Variants in ZNF804B observed in about 807,000 individuals in gnomAD.
ZNF804B encodes zinc finger 804B.
Under a neutral mutation model 101.4 loss-of-function variants are expected in ZNF804B, and 80 were observed. The ratio of observed to expected loss-of-function variants is 0.79; its 90% confidence interval spans 0.66 to 0.95. The LOEUF (loss-of-function observed/expected upper bound fraction) is 0.95, where lower values mean the gene tolerates loss of function less well. Among genes scored for constraint, ZNF804B ranks in the 40% least tolerant of loss-of-function variants. ZNF804B has a pLI of 0.00. For synonymous variants in ZNF804B, 622 were observed against 558.8 expected (o/e 1.11, Z -1.59); for missense variants, 1,673 against 1,561.9 (o/e 1.07, Z -1.20).
At chr7:89,173,830 G>A (rs578004965) in intron 1 of ZNF804B, among the ~76,000 whole-genome samples, 120 of 152,062 alleles carry the variant, frequency 7.9e-4, no homozygotes, top group African/African-American at 2.8e-3. Flanking sequence ...AAAAGTTAGA[G>A]TAGTGATTCT....
chr7:89,335,958 T>C lies in ZNF804B; in HGVS notation c.2976T>C (p.Asp992=), dbSNP rs1243376184. Residue 992 remains aspartate (D), a synonymous_variant, in exon 4 of 4, where the codon GAT becomes GAC. Transcript: ENST00000333190. The stretch of plus-strand genomic sequence containing the variant: ...AGTATGCAAGTGAGAGCAGAAATGA[T>C]CAAGACAGTGCAATTCCAAGGACTA... ...KIQYASESRN[D]QDSAIPRTTE... is the part of the protein sequence containing the mutation. 4 of 1,613,938 alleles carry C rather than the reference T, an allele frequency of 2.5e-6. No homozygotes were observed. The highest frequency in any genetic ancestry group is 3.4e-6 in the Non-Finnish European group (4 of 1,179,994).
intron 2 of ZNF804B, among the ~76,000 whole-genome samples, chr7:89,241,445 G>T (rs1789370666): frequency 1.3e-5 from 2 of 152,058 alleles, no homozygotes; most frequent in African/African-American, 4.8e-5. Flanking sequence ...CTTTGTTTCA[G>T]AGTCTGTCTC....
At chr7:89,254,671 A>T (rs1372565214) in intron 2 of ZNF804B, among the ~76,000 whole-genome samples, 11 of 149,116 alleles carry the variant, frequency 7.4e-5, no homozygotes, top group Admixed American at 7.4e-4. Context: ...TTTGAGTCAG[A>T]ATCTCACTCT....
intron 1 of ZNF804B, among the ~76,000 whole-genome samples, chr7:89,152,700 T>C (rs1473937115): frequency 1.3e-5 from 2 of 152,174 alleles, no homozygotes; most frequent in African/African-American, 4.8e-5. Flanking sequence ...AATATATAGT[T>C]ACCTGTTTTC....
chr7:89,304,182 A>G (rs1790525512), intron 2 of ZNF804B, among the ~76,000 whole-genome samples: 1 of 151,936 alleles, frequency 6.6e-6, no homozygotes, highest in Non-Finnish European at 1.5e-5. Context: ...ATGGAAGGAC[A>G]TAGGATCATT....
chr7:89,080,006 G>A (rs559544506), intron 1 of ZNF804B, among the ~76,000 whole-genome samples: 1 of 151,986 alleles, frequency 6.6e-6, no homozygotes, highest in African/African-American at 2.4e-5. Flanking sequence ...TGGCATGACA[G>A]GATAACTTAC....
chr7:89,107,880 G>T (rs1311909868), intron 1 of ZNF804B, among the ~76,000 whole-genome samples: 1 of 152,056 alleles, frequency 6.6e-6, no homozygotes, highest in Non-Finnish European at 1.5e-5. Flanking sequence ...TTCTATGCAG[G>T]CTGGGGAATT....
At chr7:89,258,496 TG>T (rs1194503084) in intron 2 of ZNF804B, among the ~76,000 whole-genome samples, 2 of 152,148 alleles carry the variant, frequency 1.3e-5, no homozygotes, top group Non-Finnish European at 1.5e-5. Flanking sequence ...GTTGAATAAA[TG>T]GTTATTCCAT....
At chr7:88,993,764 A>T (rs1327540126) in intron 1 of ZNF804B, among the ~76,000 whole-genome samples, 1 of 152,038 alleles carries the variant, frequency 6.6e-6, no homozygotes, top group Non-Finnish European at 1.5e-5. Flanking sequence ...CAATGATATT[A>T]TTGGATTAAG....
At chr7:89,078,347 A>G (rs1394930843) in intron 1 of ZNF804B, among the ~76,000 whole-genome samples, 1 of 152,108 alleles carries the variant, frequency 6.6e-6, no homozygotes, top group Non-Finnish European at 1.5e-5. Flanking sequence ...TGCTTACTAG[A>G]AATGCTCAAT....
intron 1 of ZNF804B, among the ~76,000 whole-genome samples, chr7:89,014,044 T>C (rs2116199060): frequency 6.6e-6 from 1 of 152,252 alleles, no homozygotes; most frequent in Admixed American, 6.5e-5. Context: ...TTGATATTTT[T>C]ATTGCCTTCC....
intron 2 of ZNF804B, among the ~76,000 whole-genome samples, chr7:89,309,495 C>T (rs1029459162): frequency 1.3e-5 from 2 of 151,980 alleles, no homozygotes; most frequent in Admixed American, 1.3e-4. Context: ...GGCATGGTGG[C>T]TCATGCCTGT....
chr7:89,111,134 A>AAT (rs1255857559), intron 1 of ZNF804B, among the ~76,000 whole-genome samples: 1 of 152,200 alleles, frequency 6.6e-6, no homozygotes, highest in Non-Finnish European at 1.5e-5. Flanking sequence ...ACCATTGAAG[A>AAT]ATATCTTGGT....
intron 1 of ZNF804B, among the ~76,000 whole-genome samples, chr7:88,882,025 G>C (rs1792050461): frequency 2.0e-5 from 3 of 152,084 alleles, no homozygotes; most frequent in Admixed American, 2.0e-4. Context: ...CCAAAACAAA[G>C]CTGTAACTCT....
At chr7:89,328,719 C>T (rs1293089262) in intron 3 of ZNF804B, among the ~76,000 whole-genome samples, 1 of 151,830 alleles carries the variant, frequency 6.6e-6, no homozygotes, top group Non-Finnish European at 1.5e-5. Context: ...TAAGGAGATG[C>T]AGTAAGTCAG....
At chr7:89,024,597 C>CTT (rs71120052) in intron 1 of ZNF804B, among the ~76,000 whole-genome samples, 2 of 94,210 alleles carry the variant, frequency 2.1e-5, no homozygotes, top group African/African-American at 4.2e-5. Context: ...AAAGCTATTA[C>CTT]TTTTTTTTTT....
chr7:88,842,787 C>G (rs1791308189), intron 1 of ZNF804B, among the ~76,000 whole-genome samples: 1 of 152,112 alleles, frequency 6.6e-6, no homozygotes, highest in Non-Finnish European at 1.5e-5. Context: ...TATAACCTGA[C>G]CCAAGCTTGT....
intron 1 of ZNF804B, among the ~76,000 whole-genome samples, chr7:88,987,035 A>G (rs116200544): frequency 1.9e-3 from 294 of 152,180 alleles, no homozygotes; most frequent in African/African-American, 6.8e-3. Context: ...AAATAGCTCT[A>G]TGTAATATAG....
intron 1 of ZNF804B, among the ~76,000 whole-genome samples, chr7:88,995,746 C>T (rs1458493709): frequency 6.6e-6 from 1 of 151,976 alleles, no homozygotes; most frequent in Non-Finnish European, 1.5e-5. Flanking sequence ...TGAAAAACAC[C>T]ACCCGATCAA....
Sources: gnomAD v4.1 joint callset for allele counts (sites outside exome capture counted in the v4.1 genomes callset) on GRCh38, gnomAD v4.1.1 for gene constraint, MANE v1.5 for transcripts, NCBI Gene and HGNC (gene_info 2026-07-23, HGNC 2026-07-21) for gene names.